TULP4: variants seen among roughly 807,000 people sequenced by gnomAD.
TULP4 encodes the protein TUB like protein 4, also known as tubby-related protein 4.
Under a neutral mutation model 129.0 loss-of-function variants are expected in TULP4, and 16 were observed. That is an observed-to-expected ratio of 0.12 (90% CI 0.08 to 0.19). The LOEUF is 0.19. Among genes scored for constraint, TULP4 ranks in the 10% least tolerant of loss-of-function variants. The pLI, the probability that TULP4 is intolerant of heterozygous loss-of-function variation, is 1.00. For synonymous variants in TULP4, 998 were observed against 854.0 expected (o/e 1.17, Z -2.94); for missense variants, 1,842 against 2,059.1 (o/e 0.89, Z 2.04).
intron 1 of TULP4, among the ~76,000 whole-genome samples, chr6:158,255,071 CAAAAA>C (rs1158482953): frequency 6.6e-6 from 1 of 152,090 alleles, no homozygotes; most frequent in African/African-American, 2.4e-5. Context: ...GACTCTGTCT[CAAAAA>C]CAAAACAAAA....
intron 1 of TULP4, among the ~76,000 whole-genome samples, chr6:158,316,856 A>C (rs1370507153): frequency 2.0e-5 from 3 of 152,208 alleles, no homozygotes. Flanking sequence ...TGTAGGACTG[A>C]GGACCTCCGG....
rs1457686635 is a variant in TULP4, at chr6:158,350,854, G to A, written c.252+36586G>A. On this transcript the variant is annotated intron_variant, in intron 1 of 13. Transcript: ENST00000367097. ...CGGCTCACTGCAGCCTCCGCCTCCC[G>A]GTTTCCAGCGATTCTCTTGCCTCAG... is the stretch of plus-strand genomic sequence containing the variant. 6.6e-5 allele frequency among the ~76,000 whole-genome samples: 10 copies of A among 151,852 alleles called. No homozygotes were observed. The East Asian group carries it at 7.7e-4, about 12-fold the overall frequency.
intron 1 of TULP4, among the ~76,000 whole-genome samples, chr6:158,356,311 G>A (rs1780647709): frequency 6.6e-6 from 1 of 152,140 alleles, no homozygotes; most frequent in Non-Finnish European, 1.5e-5. Context: ...GGAAATAAGA[G>A]CCTTTGAGGA....
At chr6:158,449,560 C>T (rs541930515) in intron 4 of TULP4, among the ~76,000 whole-genome samples, 1 of 151,946 alleles carries the variant, frequency 6.6e-6, no homozygotes, top group South Asian at 2.1e-4. Context: ...TGTGATATAT[C>T]CAAATCCCCA....
intron 8 of TULP4, among the ~76,000 whole-genome samples, chr6:158,485,952 G>A (rs1405032415): frequency 1.3e-5 from 2 of 152,176 alleles, no homozygotes; most frequent in African/African-American, 4.8e-5. Flanking sequence ...TTTGCTTCAG[G>A]ATGAATTGTA....
At chr6:158,496,922 A>G (rs569143737) in intron 11 of TULP4, among the ~76,000 whole-genome samples, 72 of 152,276 alleles carry the variant, frequency 4.7e-4, no homozygotes, top group African/African-American at 1.5e-3. Context: ...ACCACAGCTC[A>G]CTGCAGCCTC....
chr6:158,276,470 A>AT (rs112372831), intron 1 of TULP4, among the ~76,000 whole-genome samples: 15,828 of 144,280 alleles, frequency 0.11, 957 homozygotes, highest in Non-Finnish European at 0.15. Flanking sequence ...CCCCTGGCTA[A>AT]TTTTTTTTTT....
At chr6:158,471,584 T>G (rs1438339526) in intron 6 of TULP4, among the ~76,000 whole-genome samples, 1 of 152,214 alleles carries the variant, frequency 6.6e-6, no homozygotes, top group African/African-American at 2.4e-5. Flanking sequence ...ATTTCTGTTT[T>G]GGAAGTGAAG....
intron 6 of TULP4, among the ~76,000 whole-genome samples, chr6:158,467,008 T>C (rs1174212842): frequency 2.6e-5 from 4 of 152,174 alleles, no homozygotes; most frequent in Non-Finnish European, 4.4e-5. Flanking sequence ...ACCTGCTTAC[T>C]TCACAGACCC....
At chr6:158,247,995 A>G (rs1477486328) in intron 1 of TULP4, among the ~76,000 whole-genome samples, 2 of 152,212 alleles carry the variant, frequency 1.3e-5, no homozygotes, top group African/African-American at 4.8e-5. Flanking sequence ...TTAGAATATC[A>G]AGACCTATAT....
In TULP4 at chr6:158,236,795, C is replaced by CTTTTTTTTTTTTTTTTTTTTTT. The variant is rs71030149; in HGVS notation, n.68+4507_68+4528dup. On this transcript the variant is annotated intron_variant and non_coding_transcript_variant, in intron 1 of 1. Coordinates refer to the TULP4 transcript ENST00000620026. ...AGATGGGTAAATGCCCAATTCTTTTCTTTTTTTTTTTTTTTTTTTTTTTTT... is the reference window on the plus strand; with the variant it reads ...AGATGGGTAAATGCCCAATTCTTTTCTTTTTTTTTTTTTTTTTTTTTTTTTTTTTTTTTTTTTTTTTTTTTTT... Among the ~76,000 whole-genome samples, 42 of 63,286 alleles carry CTTTTTTTTTTTTTTTTTTTTTT rather than the reference C, an allele frequency of 6.6e-4. 9 individuals carry two copies. Among genetic ancestry groups the CTTTTTTTTTTTTTTTTTTTTTT allele is most frequent in the Non-Finnish European group, 8.1e-4 (26 of 32,222 alleles). 41.5% of individuals were successfully genotyped at this position (63,286 alleles called of 152,430 possible).
At chr6:158,359,631 G>A (rs1583792767) in intron 1 of TULP4, among the ~76,000 whole-genome samples, 1 of 152,138 alleles carries the variant, frequency 6.6e-6, no homozygotes, top group South Asian at 2.1e-4. Flanking sequence ...GTGCCCACCC[G>A]GATTGAGGGT....
chr6:158,297,200 A>G (rs1388405702), intron 1 of TULP4, among the ~76,000 whole-genome samples: 1 of 152,162 alleles, frequency 6.6e-6, no homozygotes, highest in Non-Finnish European at 1.5e-5. Flanking sequence ...CTTGCTAGGA[A>G]AAGAATTTAG....
rs1384000395 is a variant in TULP4, at chr6:158,491,495, TC to T, written c.1631+1764del. On this transcript the variant is annotated intron_variant, in intron 9 of 13. Transcript: ENST00000367097. Reference sequence around the variant, plus strand: ...TCTTTTCTTTCTTTCTTTCTTTCTTTCTTTCTTTCTTTCTTTCTTTCTTGTC... The same window carrying T: ...TCTTTTCTTTCTTTCTTTCTTTCTTTTTTCTTTCTTTCTTTCTTTCTTGTC... Among the ~76,000 whole-genome samples the T allele has an allele frequency of 2.4e-3, 90 of 36,952 alleles. 1 individual carries two copies. Among genetic ancestry groups the T allele is most frequent in the Middle Eastern group, 0.011 (1 of 90 alleles). The allele number at this position is 36,952 out of a possible 152,430, so 24.2% of individuals were successfully genotyped here.
upstream of TULP4, among the ~76,000 whole-genome samples, chr6:158,281,057 CA>C (rs1562504566): frequency 1.3e-5 from 2 of 152,112 alleles, no homozygotes; most frequent in African/African-American, 2.4e-5. Context: ...TGGATTATGA[CA>C]GGGGGCCAGG....
chr6:158,420,577 G>A (rs1227065933), intron 2 of TULP4, among the ~76,000 whole-genome samples: 1 of 151,614 alleles, frequency 6.6e-6, no homozygotes, highest in Non-Finnish European at 1.5e-5. Context: ...TGCCTCCCGG[G>A]TTCAAGCGAT....
At chr6:158,241,950 T>G in intron 1 of TULP4, 1 of 865,812 alleles carries the variant, frequency 1.2e-6, no homozygotes, top group South Asian at 1.3e-5. Context: ...ACTCTACTCT[T>G]TCCGCATTGG....
intron 1 of TULP4, among the ~76,000 whole-genome samples, chr6:158,398,821 A>G (rs1427162254): frequency 6.6e-6 from 1 of 152,094 alleles, no homozygotes; most frequent in Admixed American, 6.5e-5. Flanking sequence ...AACCAATGTG[A>G]CCTCTCAGTG....
At chr6:158,268,002 CT>C (rs1449855535) in intron 1 of TULP4, among the ~76,000 whole-genome samples, 2 of 104,288 alleles carry the variant, frequency 1.9e-5, no homozygotes, top group African/African-American at 3.2e-5. Flanking sequence ...TTTGTTTGAT[CT>C]TTTCTTTTCT....
Sources: gnomAD v4.1 joint callset for allele counts (sites outside exome capture counted in the v4.1 genomes callset) on GRCh38, gnomAD v4.1.1 for gene constraint, MANE v1.5 for transcripts, NCBI Gene and HGNC (gene_info 2026-07-23, HGNC 2026-07-21) for gene names.